GOLGB1: variants seen among roughly 807,000 people sequenced by gnomAD.
GOLGB1 encodes the protein golgin subfamily B member 1.
Under a neutral mutation model 336.9 loss-of-function variants are expected in GOLGB1, and 174 were observed. That is an observed-to-expected ratio of 0.52 (90% CI 0.46 to 0.59). The LOEUF is 0.59. GOLGB1 is among the 20% of genes least tolerant of loss of function. GOLGB1 has a pLI of 0.00. For missense variants in GOLGB1, 3,331 were observed against 3,645.3 expected, an observed-to-expected ratio of 0.91 and a Z score of 2.22; for synonymous variants, 1,208 against 1,289.2, an observed-to-expected ratio of 0.94 and a Z score of 1.35.
intron 17 of GOLGB1, among the ~76,000 whole-genome samples, chr3:121,673,837 C>G (rs376077860): frequency 6.6e-6 from 1 of 152,164 alleles, no homozygotes; most frequent in African/African-American, 2.4e-5. Flanking sequence ...TCACATGCCT[C>G]AGCCACCCGA....
chr3:121,667,804 G>A lies in GOLGB1; in HGVS notation c.9420-194C>T, dbSNP rs190324516. Among the ~76,000 whole-genome samples, 362 of 152,342 alleles carry A rather than the reference G, an allele frequency of 2.4e-3. 6 individuals are homozygous for A. Among genetic ancestry groups the A allele is most frequent in the East Asian group, 1.9e-3 (10 of 5,192 alleles). On this transcript the variant is annotated intron_variant, in intron 19 of 21. Transcript: ENST00000614479. ...AATACCTAAAGAAATTTCAGGAACT[G>A]ATTATCTTTCATTTTACTATCATAG...
chr3:121,669,467 A>C, intron 17 of GOLGB1, 112 bp from the exon 18 acceptor site: 1 of 777,784 alleles, frequency 1.3e-6, no homozygotes, highest in Admixed American at 2.9e-5. Flanking sequence ...TTGTTTCAGC[A>C]ACAGCAACAA....
At chr3:121,705,485 C>A (rs191846330) in intron 10 of GOLGB1, among the ~76,000 whole-genome samples, 1 of 152,248 alleles carries the variant, frequency 6.6e-6, no homozygotes, top group East Asian at 1.9e-4. Flanking sequence ...ACAAAGTGAT[C>A]CCTAAAACTG....
chr3:121,734,775 C>T (rs531442903), intron 1 of GOLGB1, among the ~76,000 whole-genome samples: 17 of 152,302 alleles, frequency 1.1e-4, no homozygotes, highest in African/African-American at 3.8e-4. Context: ...ACAGCTACTT[C>T]GGAAAACTGT....
chr3:121,667,645 G>A, intron 19 of GOLGB1, 35 bp from the exon 20 acceptor site: 3 of 1,605,692 alleles, frequency 1.9e-6, no homozygotes, highest in Non-Finnish European at 2.6e-6. Flanking sequence ...AGCATCATCA[G>A]ATGCAGAAAA....
Position 121,670,759 on chromosome 3 carries a change from G to T in GOLGB1, c.9178-1404C>A, listed in dbSNP as rs58370282. Among the ~76,000 whole-genome samples, 93 of 149,840 alleles carry T rather than the reference G, an allele frequency of 6.2e-4. 2 individuals carry two copies. The highest frequency in any genetic ancestry group is 2.2e-3 in the African/African-American group (88 of 40,906). ...GAAAATCATAGGGTTTTCTTTTGGG[G>T]GGGGGGGTGTGGGAGGAGGTGGGAA... On this transcript the variant is annotated intron_variant, in intron 17 of 21. Coordinates refer to ENST00000614479, the MANE Select transcript of GOLGB1 (RefSeq NM_001366282.2).
In GOLGB1 at chr3:121,692,254, G is replaced by A. The variant is rs762194418; in HGVS notation, c.7110C>T (p.Ala2370=). Residue 2370 remains alanine (A), a synonymous_variant, in exon 14 of 22, where the codon GCC becomes GCT. Transcript: ENST00000614479. ...GCAGCCTACTGGTCAGTTCTCTGGA[G>A]GCCTGAAGATCAGTCTCCAGTTGTT... The part of the protein sequence containing the change: ...SYEQLETDLQ[A]SRELTSRLHE... The A allele has an allele frequency of 1.2e-6, 2 of 1,605,510 alleles. No homozygotes were observed. The highest frequency in any genetic ancestry group is 1.7e-4 in the Middle Eastern group (1 of 6,004).
intron 14 of GOLGB1, among the ~76,000 whole-genome samples, chr3:121,690,390 A>G (rs972253589): frequency 3.9e-5 from 6 of 152,222 alleles, no homozygotes; most frequent in African/African-American, 1.4e-4. Context: ...TATAAAATAT[A>G]TAAAACAGTT....
In GOLGB1 at chr3:121,702,609, A is replaced by C; in HGVS notation, c.1405-14T>G. 7.9e-7 allele frequency: 1 copy of C among 1,270,390 alleles called. No individual in the cohort carries two copies. The highest frequency in any genetic ancestry group is 1.1e-6 in the Non-Finnish European group (1 of 930,462). 78.7% of individuals were successfully genotyped at this position (1,270,390 alleles called of 1,614,324 possible). A position where few individuals can be genotyped will look rare whatever the true frequency, so the allele number is the denominator to read the frequency against. ...CTCAGTGACTGCCTAAATTGTAGAA[A>C]GACAACAAATTAATGATTCTCCAGC... On this transcript the variant is annotated splice_polypyrimidine_tract_variant and intron_variant, in intron 10 of 21. Coordinates refer to ENST00000614479, the MANE Select transcript of GOLGB1 (RefSeq NM_001366282.2).
chr3:121,734,258 C>T (rs753319832), intron 1 of GOLGB1, among the ~76,000 whole-genome samples: 2 of 151,874 alleles, frequency 1.3e-5, no homozygotes, highest in African/African-American at 2.4e-5. Flanking sequence ...GGCATGATGG[C>T]GCATGCCTGT....
chr3:121,688,203 C>T (rs908381048), intron 14 of GOLGB1, among the ~76,000 whole-genome samples: 1 of 152,188 alleles, frequency 6.6e-6, no homozygotes, highest in African/African-American at 2.4e-5. Context: ...GTCTCCCTCT[C>T]CCTCTCTTTC....
In GOLGB1 at chr3:121,705,173, G is replaced by C. The variant is rs139432357; in HGVS notation, c.1405-2578C>G. On this transcript the variant is annotated intron_variant, in intron 10 of 21. Transcript: ENST00000614479. ...CTGTGGCATCAGGAATAGGGTGAGGGTATATGATTATGAAGATTCTACCTT... is the reference window on the plus strand; with the variant it reads ...CTGTGGCATCAGGAATAGGGTGAGGCTATATGATTATGAAGATTCTACCTT... Among the ~76,000 whole-genome samples, 34 of 152,220 alleles carry C rather than the reference G, an allele frequency of 2.2e-4. No homozygotes were observed. In the East Asian group the frequency reaches 5.6e-3, roughly 25 times the overall value.
chr3:121,697,641 GA>G lies in GOLGB1; in HGVS notation c.2881del (p.Ser961LeufsTer11). 1.2e-6 allele frequency: 2 copies of G among 1,612,434 alleles called. No homozygotes were observed. The highest frequency in any genetic ancestry group is 1.7e-6 in the Non-Finnish European group (2 of 1,179,746). ...ATCATAATTTTGTTTAAGGCCAGAA[GA>G]AACTTCATTATCTTCTTCCACCTGC... ...KEQVEEDNEV[S>X]SGLKQNYDEM... On this transcript the variant is annotated frameshift_variant, in exon 13 of 22. Coordinates refer to ENST00000614479, the MANE Select transcript of GOLGB1 (RefSeq NM_001366282.2). LOFTEE classifies it high-confidence loss of function.
Position 121,667,555 on chromosome 3 carries a change from T to C in GOLGB1, c.9475A>G (p.Arg3159Gly), listed in dbSNP as rs1179900486. Residue 3159 changes from arginine to glycine, a missense_variant, in exon 20 of 22, where the codon AGG (arginine) becomes GGG (glycine). Arg to Gly is a moderately radical substitution (Grantham distance 125). Transcript: ENST00000614479. ...TCTCGTTCTTCTTCCAGCAGCTTCCTTAATTCATTCACTTCCTGTCTGGTG... is the reference window on the plus strand; with the variant it reads ...TCTCGTTCTTCTTCCAGCAGCTTCCCTAATTCATTCACTTCCTGTCTGGTG... The part of the protein sequence containing the change: ...CNTRQEVNEL[R>G]KLLEEERDQR... 3.7e-6 allele frequency: 6 copies of C among 1,613,954 alleles called. No homozygotes were observed. Among genetic ancestry groups the C allele is most frequent in the Non-Finnish European group, 5.1e-6 (6 of 1,179,898 alleles).
At chr3:121,671,397 A>G (rs1300850679) in intron 17 of GOLGB1, among the ~76,000 whole-genome samples, 2 of 152,004 alleles carry the variant, frequency 1.3e-5, no homozygotes, top group African/African-American at 4.8e-5. Flanking sequence ...CCACCCCTGG[A>G]CCCCCAACTC....
rs1242245441 is a variant in GOLGB1, at chr3:121,692,278, T to C, written c.7086A>G (p.Glu2362=). 3 of 1,611,070 alleles carry C rather than the reference T, an allele frequency of 1.9e-6. No individual in the cohort carries two copies. The highest frequency in any genetic ancestry group is 1.7e-6 in the Non-Finnish European group (2 of 1,179,270). Reference sequence around the variant, plus strand: ...AGGCCTGAAGATCAGTCTCCAGTTGTTCATAACTGAACTTAGAATTTTGAA... The same window carrying C: ...AGGCCTGAAGATCAGTCTCCAGTTGCTCATAACTGAACTTAGAATTTTGAA... ...ADIQNSKFSY[E]QLETDLQASR... is the part of the protein sequence containing the mutation. The change falls in exon 14 of 22, where the codon GAA becomes GAG. Residue 2362 remains glutamate (E), a synonymous_variant. Coordinates refer to ENST00000614479, the MANE Select transcript of GOLGB1 (RefSeq NM_001366282.2).
intron 1 of GOLGB1, among the ~76,000 whole-genome samples, chr3:121,735,462 C>G (rs1013491961): frequency 1.3e-5 from 2 of 152,130 alleles, no homozygotes; most frequent in Non-Finnish European, 2.9e-5. Context: ...ACAAAAAGAA[C>G]TGACATAAAC....
At chr3:121,707,225 C>CA (rs554313106) in intron 10 of GOLGB1, among the ~76,000 whole-genome samples, 26,690 of 93,398 alleles carry the variant, frequency 0.29, 4,138 homozygotes, top group East Asian at 0.45. Flanking sequence ...GACTCCATCT[C>CA]AAAAAAAAAA....
intron 1 of GOLGB1, among the ~76,000 whole-genome samples, chr3:121,734,811 G>A (rs914477750): frequency 3.3e-5 from 5 of 152,126 alleles, no homozygotes; most frequent in Admixed American, 1.3e-4. Context: ...AAAGTTAAAC[G>A]TACATTTACC....
Sources: gnomAD v4.1 joint callset for allele counts (sites outside exome capture counted in the v4.1 genomes callset) on GRCh38, gnomAD v4.1.1 for gene constraint, MANE v1.5 for transcripts, NCBI Gene and HGNC (gene_info 2026-07-23, HGNC 2026-07-21) for gene names.